ZNF324: variants seen among roughly 807,000 people sequenced by gnomAD.
ZNF324 encodes the protein zinc finger protein 324A.
Under a neutral mutation model 10.3 loss-of-function variants are expected in ZNF324, and 3 were observed. The observed-to-expected ratio is 0.29, with a 90% CI of 0.13 to 0.75. The LOEUF (loss-of-function observed/expected upper bound fraction) is 0.75. ZNF324 is among the 30% of genes least tolerant of loss of function. The probability of loss-of-function intolerance (pLI) is 0.69; values close to 1 mark genes in which losing one functional copy is unlikely to be tolerated. For missense variants in ZNF324, 763 were observed against 784.4 expected (o/e 0.97, Z 0.33); for synonymous variants, 430 against 339.5 (o/e 1.27, Z -2.93).
Position 58,469,293 on chromosome 19 carries a change from T to C in ZNF324, c.108T>C (p.Leu36=), listed in dbSNP as rs2053007457. The change falls in exon 2 of 4, where the codon CTT becomes CTC. Residue 36 remains leucine, a synonymous_variant. Transcript: ENST00000196482. ...YRRVMLDNFA[L]VASLGLSTSR... is the part of the protein sequence containing the mutation. ...GCGTGATGCTAGACAACTTCGCACTTGTGGCCTCGCTGGGTAAGGTCCTAG... is the reference window on the plus strand; with the variant it reads ...GCGTGATGCTAGACAACTTCGCACTCGTGGCCTCGCTGGGTAAGGTCCTAG... 1 of 1,614,108 alleles carries C rather than the reference T, an allele frequency of 6.2e-7. No individual in the cohort carries two copies. The highest frequency in any genetic ancestry group is 8.5e-7 in the Non-Finnish European group (1 of 1,179,976).
At chr19:58,469,885 T>G (rs1354820856) in intron 3 of ZNF324, 41 bp downstream of exon 3, 1 of 1,500,518 alleles carries the variant, frequency 6.7e-7, no homozygotes, top group Non-Finnish European at 9.1e-7. Flanking sequence ...AGGACCAACC[T>G]GTGGTCATGC....
In ZNF324 at chr19:58,472,113, G is replaced by C; in HGVS notation, c.1621G>C (p.Ala541Pro). The C allele has an allele frequency of 6.3e-7, 1 of 1,592,748 alleles. No individual in the cohort carries two copies. Among genetic ancestry groups the C allele is most frequent in the South Asian group, 1.1e-5 (1 of 90,476 alleles). The change falls in exon 4 of 4, where the codon GCC (alanine) becomes CCC (proline). Residue 541 changes from alanine to proline, a missense_variant. This residue lies in a region of ZNF324 where 231 missense variants were observed against 196.0 expected (regional missense o/e 1.18). Coordinates refer to ENST00000196482, the MANE Select transcript of ZNF324 (RefSeq NM_014347.3). ...APAKETEPTP[A>P]SGPAAVSQPA... ...AGCGAAGGAAACCGAGCCCACTCCCGCCTCGGGCCCAGCCGCCGTCTCGCA... is the reference window on the plus strand; with the variant it reads ...AGCGAAGGAAACCGAGCCCACTCCCCCCTCGGGCCCAGCCGCCGTCTCGCA...
rs1402374249 is a variant in ZNF324 at position 58,473,432 on chromosome 19, C to T, written c.*1278C>T. On this transcript the variant is annotated 3_prime_UTR_variant, in exon 4 of 4. Coordinates refer to ENST00000196482, the MANE Select transcript of ZNF324 (RefSeq NM_014347.3). The stretch of plus-strand genomic sequence containing the variant: ...CTTAATGGAAAAAAAAAAAAAAAGA[C>T]TACCATCTGCAACTCAGAGTAGGTG... 5.2e-5 allele frequency: 2 copies of T among 38,354 alleles called. No individual in the cohort carries two copies. The highest frequency in any genetic ancestry group is 1.0e-4 in the African/African-American group (1 of 9,696). The allele number at this position is 38,354 out of a possible 1,614,324, so 2.4% of individuals were successfully genotyped here. A position where few individuals can be genotyped will look rare whatever the true frequency, so the allele number is the denominator to read the frequency against.
chr19:58,469,185 G>A lies in ZNF324; in HGVS notation c.-1G>A, dbSNP rs1468175054. On this transcript the variant is annotated 5_prime_UTR_variant, in exon 2 of 4. Transcript: ENST00000196482. ...CTTCCTCCCTGCTCTTTTAGGACCA[G>A]ATGGCCTTTGAGGATGTGGCTGTGT... 1 of 1,614,200 alleles carries A rather than the reference G, an allele frequency of 6.2e-7. No individual in the cohort carries two copies. The highest frequency in any genetic ancestry group is 8.5e-7 in the Non-Finnish European group (1 of 1,180,036).
chr19:58,468,294 T>C (rs1269153930), intron 1 of ZNF324: 4 of 969,774 alleles, frequency 4.1e-6, no homozygotes, highest in Non-Finnish European at 3.7e-6. Context: ...TGGGCAGTTA[T>C]GGCTTGAGGG....
At chr19:58,469,369 C>T in intron 2 of ZNF324, 63 bp downstream of exon 2, 2 of 1,581,328 alleles carry the variant, frequency 1.3e-6, no homozygotes, top group Non-Finnish European at 1.7e-6. Context: ...CAGGGCTGCC[C>T]CCTCACCTCC....
At chr19:58,470,663 C>T (rs2053021058) in intron 3 of ZNF324, 68 bp from the exon 4 acceptor site, 3 of 1,599,470 alleles carry the variant, frequency 1.9e-6, no homozygotes, top group Non-Finnish European at 1.7e-6. Context: ...TCTTGCCTGT[C>T]CACTCAGCCT....
chr19:58,468,529 G>A (rs887334173), intron 1 of ZNF324, among the ~76,000 whole-genome samples: 4 of 152,144 alleles, frequency 2.6e-5, no homozygotes, highest in Admixed American at 6.5e-5. Flanking sequence ...TGTCAGGCAA[G>A]CAGGCTCAGC....
At chr19:58,469,953 ATTCCC>A (rs1467064642) in intron 3 of ZNF324, 109 bp downstream of exon 3, 3 of 760,998 alleles carry the variant, frequency 3.9e-6, no homozygotes, top group South Asian at 1.7e-5. Context: ...CTCCCACCCG[ATTCCC>A]TTCCCTTCCA....
rs568480809 is a variant in ZNF324 at position 58,473,010 on chromosome 19, C to T, written c.*856C>T. ...TGATGGCTTTCCGGTGGCACTCGTT[C>T]AGGTTTTTGCCCAAGTCTCAGCTTG... On this transcript the variant is annotated 3_prime_UTR_variant, in exon 4 of 4. Coordinates refer to ENST00000196482, the MANE Select transcript of ZNF324 (RefSeq NM_014347.3). 6.5e-6 allele frequency: 1 copy of T among 152,784 alleles called. No individual in the cohort carries two copies. The highest frequency in any genetic ancestry group is 1.9e-4 in the East Asian group (1 of 5,184). The allele number at this position is 152,784 out of a possible 1,614,324, so 9.5% of individuals were successfully genotyped here. A position where few individuals can be genotyped will look rare whatever the true frequency, so the allele number is the denominator to read the frequency against.
In ZNF324 at chr19:58,473,906, G is replaced by A. The variant is rs2053059392; in HGVS notation, c.*1752G>A. On this transcript the variant is annotated 3_prime_UTR_variant, in exon 4 of 4. Transcript: ENST00000196482. ...TCCTGGCAATGGGAGGATGGTAGGT[G>A]GAGAAACCAAGGCAGGGCTGTGTTC... 1 of 152,398 alleles carries A rather than the reference G, an allele frequency of 6.6e-6. No individual in the cohort carries two copies. Among genetic ancestry groups the A allele is most frequent in the Admixed American group, 6.5e-5 (1 of 15,282 alleles). The allele number at this position is 152,398 out of a possible 1,614,324, so 9.4% of individuals were successfully genotyped here.
At position 58,473,177 on chromosome 19, in the gene ZNF324, C is replaced by G. The variant is rs764124457; in HGVS notation, c.*1023C>G. On this transcript the variant is annotated 3_prime_UTR_variant, in exon 4 of 4. Coordinates refer to ENST00000196482, the MANE Select transcript of ZNF324 (RefSeq NM_014347.3). ...GGCCACTTCACCCCCAACCCTGTCT[C>G]ACCCCCATTATCCCTCCTCAATTGG... 4 of 152,720 alleles carry G rather than the reference C, an allele frequency of 2.6e-5. No individual in the cohort carries two copies. The highest frequency in any genetic ancestry group is 4.8e-5 in the African/African-American group (2 of 41,420). 9.5% of individuals were successfully genotyped at this position (152,720 alleles called of 1,614,324 possible). A position where few individuals can be genotyped will look rare whatever the true frequency, so the allele number is the denominator to read the frequency against.
At chr19:58,468,596 T>C (rs955357091) in intron 1 of ZNF324, among the ~76,000 whole-genome samples, 1 of 152,036 alleles carries the variant, frequency 6.6e-6, no homozygotes, top group Admixed American at 6.5e-5. Context: ...ACTCACAGTT[T>C]CTTGCTACAA....
At chr19:58,469,984 G>A in intron 3 of ZNF324, 140 bp downstream of exon 3, 1 of 661,250 alleles carries the variant, frequency 1.5e-6, no homozygotes, top group South Asian at 1.8e-5. Flanking sequence ...AGCCCCTCCT[G>A]GAGGCTGCAG....
chr19:58,469,053 G>T, intron 1 of ZNF324, 127 bp from the exon 2 acceptor site: 1 of 1,113,302 alleles, frequency 9.0e-7, no homozygotes, highest in African/African-American at 1.6e-5. Context: ...CTCATCAGCT[G>T]TTATTAGTGT....
In ZNF324 at chr19:58,471,878, C is replaced by T. The variant is rs770072493; in HGVS notation, c.1386C>T (p.Phe462=). The change falls in exon 4 of 4, where the codon TTC becomes TTT. Residue 462 remains phenylalanine (F), a synonymous_variant. Transcript: ENST00000196482. ...GCTGCGTGGACTGTGGCAAGGCCTT[C>T]GCCAAGGGCGCCGTGCTGCTCAGCC... is the stretch of plus-strand genomic sequence containing the variant. The part of the protein sequence containing the change: ...PFRCVDCGKA[F]AKGAVLLSHR... 1.8e-5 allele frequency: 29 copies of T among 1,611,828 alleles called. No individual in the cohort carries two copies. The highest frequency in any genetic ancestry group is 1.2e-4 in the South Asian group (11 of 91,026).
At chr19:58,468,163 A>G (rs1359458181) in intron 1 of ZNF324, 16 of 984,144 alleles carry the variant, frequency 1.6e-5, no homozygotes, top group Non-Finnish European at 1.9e-5. Flanking sequence ...TTCAGGGGAA[A>G]GATCAAGAGT....
rs1232053736 is a variant in ZNF324, at chr19:58,472,027, C to T, written c.1535C>T (p.Ser512Phe). The part of the protein sequence containing the change: ...IHTGEKTVRR[S>F]RASLHPQARS... ...ACCGGCGAGAAGACCGTCCGGCGAT[C>T]CAGGGCCAGCCTGCACCCCCAGGCC... Residue 512 changes from serine (S) to phenylalanine (F), a missense_variant, in exon 4 of 4, where the codon TCC becomes TTC. Around this residue, in one of 3 missense-constraint regions of ZNF324, gnomAD observed 231 missense variants for 196.0 expected, o/e 1.18. Coordinates refer to ENST00000196482, the MANE Select transcript of ZNF324 (RefSeq NM_014347.3). The T allele has an allele frequency of 6.2e-7, 1 of 1,606,930 alleles. No individual in the cohort carries two copies. Among genetic ancestry groups the T allele is most frequent in the Non-Finnish European group, 8.5e-7 (1 of 1,179,688 alleles).
At chr19:58,469,125 A>T in intron 1 of ZNF324, 55 bp from the exon 2 acceptor site, 1 of 1,612,686 alleles carries the variant, frequency 6.2e-7, no homozygotes, top group Non-Finnish European at 8.5e-7. Flanking sequence ...GGAAGCCAAA[A>T]GATTGGATAA....
Sources: gnomAD v4.1 joint callset for allele counts (sites outside exome capture counted in the v4.1 genomes callset) on GRCh38, gnomAD v4.1.1 for gene constraint, gnomAD v4.1.1 regional missense constraint, MANE v1.5 for transcripts, NCBI Gene and HGNC (gene_info 2026-07-23, HGNC 2026-07-21) for gene names.